The following GTF2H2 variants were observed in gnomAD, a reference collection of about 807,000 sequenced individuals.
GTF2H2 encodes TFIIH basal transcription factor complex p44 subunit.
GTF2H2 carries 2 observed loss-of-function variants against 16.5 expected under a neutral mutation model. The ratio of observed to expected loss-of-function variants is 0.12; its 90% confidence interval spans 0.05 to 0.38. The LOEUF is 0.38. Among genes scored for constraint, GTF2H2 ranks in the 10% least tolerant of loss-of-function variants. GTF2H2 has a pLI of 0.99. For missense variants in GTF2H2, 20 were observed against 137.0 expected (o/e 0.15, Z 4.26); for synonymous variants, 8 against 44.1 (o/e 0.18, Z 3.24).
chr5:71,054,929 G>A (rs1753086831), intron 8 of GTF2H2: 1 of 141,394 alleles, frequency 7.1e-6, no homozygotes, highest in Non-Finnish European at 1.5e-5. Flanking sequence ...ATTCCATATA[G>A]CTGAACTTGC....
At chr5:71,054,137 A>G in intron 8 of GTF2H2, among the ~76,000 whole-genome samples, 1 of 144,256 alleles carries the variant, frequency 6.9e-6, no homozygotes, top group Non-Finnish European at 1.5e-5. Context: ...CATAATAATC[A>G]TGAACATTAA....
At chr5:71,057,501 G>GT (rs1204609242) in intron 7 of GTF2H2, among the ~76,000 whole-genome samples, 1 of 133,474 alleles carries the variant, frequency 7.5e-6, no homozygotes, top group Non-Finnish European at 1.6e-5. Context: ...ACTCATCTGA[G>GT]TAAGTTTTAA....
At position 71,063,108 on chromosome 5, in the gene GTF2H2, T is replaced by TGGGCGTA. The variant is rs978537167; in HGVS notation, c.-33-319_-33-313dup. 1.1e-4 allele frequency among the ~76,000 whole-genome samples: 11 copies of TGGGCGTA among 98,056 alleles called. 3 individuals are homozygous for TGGGCGTA. Among genetic ancestry groups the TGGGCGTA allele is most frequent in the African/African-American group, 6.2e-4 (11 of 17,754 alleles). 64.3% of individuals were successfully genotyped at this position (98,056 alleles called of 152,430 possible). ...ACTGTAGACTTGTGAGGAGTCAGTA[T>TGGGCGTA]GGGCGTAGTTGAACTATTATAGCTG... On this transcript the variant is annotated intron_variant, in intron 1 of 15. Transcript: ENST00000274400.
intron 8 of GTF2H2, among the ~76,000 whole-genome samples, chr5:71,052,561 C>A (rs1352251846): frequency 9.5e-5 from 4 of 42,112 alleles, no homozygotes; most frequent in Middle Eastern, 5.4e-3. Flanking sequence ...AGCTTCCTCA[C>A]TGCTCTCAGC....
rs1251965195 is a variant in GTF2H2 at position 71,058,626 on chromosome 5, T to A, written c.364+1064A>T. 99 of 103,874 alleles carry A rather than the reference T, an allele frequency of 9.5e-4. 3 individuals carry two copies. The highest frequency in any genetic ancestry group is 3.5e-3 in the African/African-American group (90 of 25,816). The allele number at this position is 103,874 out of a possible 1,614,324, so 6.4% of individuals were successfully genotyped here. A position where few individuals can be genotyped will look rare whatever the true frequency, so the allele number is the denominator to read the frequency against. On this transcript the variant is annotated intron_variant, in intron 7 of 15. Transcript: ENST00000274400. Reference sequence around the variant, plus strand: ...CAACTATATATGGAATTGGCCCACCTTTGAACATAGCCCAAAATTTTCCTT... The same window carrying A: ...CAACTATATATGGAATTGGCCCACCATTGAACATAGCCCAAAATTTTCCTT...
rs1158599927 is a variant in GTF2H2 at position 71,054,125 on chromosome 5, G to A, written c.470+1227C>T. ...TAATTTAACCTCACAGTAATTCAGA[G>A]TCATAATAATCATGAACATTAATAT... On this transcript the variant is annotated intron_variant, in intron 8 of 15. Coordinates refer to ENST00000274400, the Ensembl canonical transcript of GTF2H2. 3.5e-5 allele frequency among the ~76,000 whole-genome samples: 5 copies of A among 143,456 alleles called. No homozygotes were observed. In the East Asian group the frequency reaches 9.8e-4, roughly 28 times the overall value. 94.1% of individuals were successfully genotyped at this position (143,456 alleles called of 152,430 possible).
chr5:71,054,745 GTGTGTGTATA>G (rs1350857126), intron 8 of GTF2H2, among the ~76,000 whole-genome samples: 1 of 132,780 alleles, frequency 7.5e-6, no homozygotes, highest in Non-Finnish European at 1.6e-5. Context: ...GTGTGTGTGT[GTGTGTGTATA>G]TATATAATAG....
chr5:71,048,162 CT>C, intron 10 of GTF2H2, 49 bp from the exon 11 acceptor site: 1 of 555,942 alleles, frequency 1.8e-6, no homozygotes, highest in Non-Finnish European at 2.5e-6. Flanking sequence ...ACATAACGAA[CT>C]GTACGTTCTA....
At position 71,054,872 on chromosome 5, in the gene GTF2H2, A is replaced by T. The variant is rs879833146; in HGVS notation, c.470+480T>A. Among the ~76,000 whole-genome samples the T allele has an allele frequency of 6.7e-4, 93 of 137,780 alleles. 2 individuals are homozygous for T. The East Asian group carries it at 0.017, about 25-fold the overall frequency. The allele number at this position is 137,780 out of a possible 152,430, so 90.4% of individuals were successfully genotyped here. ...ATATGTATATAAAGCTTATATATAT[A>T]TATAAGCTTTAACTATACCAAGTAT... On this transcript the variant is annotated intron_variant, in intron 8 of 15. Coordinates refer to ENST00000274400, the Ensembl canonical transcript of GTF2H2.
chr5:71,054,999 T>G (rs1753096929), intron 8 of GTF2H2: 2 of 159,864 alleles, frequency 1.3e-5, no homozygotes, highest in Admixed American at 6.5e-5. Flanking sequence ...GTTTTGGCCA[T>G]TACTTTCAAA....
chr5:71,056,489 A>G (rs2150193872), intron 7 of GTF2H2, among the ~76,000 whole-genome samples: 1 of 48,236 alleles, frequency 2.1e-5, no homozygotes, highest in East Asian at 4.5e-4. Flanking sequence ...AAGCAATTCA[A>G]ATGAAGGGGG....
At chr5:71,050,550 ATACTT>A (rs1486238636) in intron 8 of GTF2H2, among the ~76,000 whole-genome samples, 2 of 32,652 alleles carry the variant, frequency 6.1e-5, no homozygotes, top group Admixed American at 9.0e-4. Context: ...TTTATGAAAA[ATACTT>A]TATTGCTAAA....
At chr5:71,054,904 T>TG (rs1753084679) in intron 8 of GTF2H2, 1 of 139,464 alleles carries the variant, frequency 7.2e-6, no homozygotes, top group Non-Finnish European at 1.5e-5. Flanking sequence ...GTATTTCCTT[T>TG]GGGGTCTTAG....
rs1751757316 is a variant in GTF2H2 at position 71,036,479 on chromosome 5, C to T, written c.1069-683G>A. ...CTATTCTTAAAAACTCAAATGAGGC[C>T]GGGTGTAGTGACTCACACCTGTAAT... On this transcript the variant is annotated intron_variant, in intron 15 of 15. Transcript: ENST00000274400. Among the ~76,000 whole-genome samples, 2 of 88,970 alleles carry T rather than the reference C, an allele frequency of 2.2e-5. 1 individual carries two copies. Among genetic ancestry groups the T allele is most frequent in the Non-Finnish European group, 4.8e-5 (2 of 41,450 alleles). 58.4% of individuals were successfully genotyped at this position (88,970 alleles called of 152,430 possible). A position where few individuals can be genotyped will look rare whatever the true frequency, so the allele number is the denominator to read the frequency against.
exon 3 of GTF2H2, chr5:71,061,707 A>G (rs1753648902): frequency 2.1e-5 from 2 of 95,760 alleles, no homozygotes; most frequent in Non-Finnish European, 3.5e-5. Flanking sequence ...TTTGCCTTGA[A>G]TAGAATGTCT....
chr5:71,052,229 G>A lies in GTF2H2; in HGVS notation c.471-3071C>T, dbSNP rs554009021. Among the ~76,000 whole-genome samples, 9 of 138,462 alleles carry A rather than the reference G, an allele frequency of 6.5e-5. 1 individual carries two copies. The highest frequency in any genetic ancestry group is 1.7e-4 in the African/African-American group (6 of 34,876). The allele number at this position is 138,462 out of a possible 152,430, so 90.8% of individuals were successfully genotyped here. A position where few individuals can be genotyped will look rare whatever the true frequency, so the allele number is the denominator to read the frequency against. On this transcript the variant is annotated intron_variant, in intron 8 of 15. Coordinates refer to ENST00000274400, the Ensembl canonical transcript of GTF2H2. ...GTTGTCTGGGCTAAAGTGCAATGGC[G>A]CGATCTCGGCTCACTGCAACCTCTG...
Position 71,057,081 on chromosome 5 carries a change from ATT to A in GTF2H2, c.365-1626_365-1625del, listed in dbSNP as rs1271416483. On this transcript the variant is annotated intron_variant, in intron 7 of 15. Transcript: ENST00000274400. ...CAATAACCTAAGTATCATTAAATTG[ATT>A]TTGTCATAAAATATAATCCATCAAA... Among the ~76,000 whole-genome samples, 5 of 90,356 alleles carry A rather than the reference ATT, an allele frequency of 5.5e-5. 1 individual carries two copies. The highest frequency in any genetic ancestry group is 1.1e-4 in the Non-Finnish European group (5 of 43,616). The allele number at this position is 90,356 out of a possible 152,430, so 59.3% of individuals were successfully genotyped here.
intron 8 of GTF2H2, chr5:71,055,060 T>G: frequency 4.9e-6 from 1 of 205,470 alleles, no homozygotes; most frequent in African/African-American, 2.5e-5. Flanking sequence ...ATTATTATAC[T>G]ATATTAAATC....
rs757653571 is a variant in GTF2H2, at chr5:71,055,366, A to C, written c.456T>G (p.Ala152=). ...ATAATACTAACTTTAGAGTCTGCAT[A>C]GCTATGCTTAGGGAATTATAAAGAG... is the stretch of plus-strand genomic sequence containing the variant. Residue 152 remains alanine, a synonymous_variant, in exon 8 of 16, where the codon GCT becomes GCG. Coordinates refer to ENST00000274400, the Ensembl canonical transcript of GTF2H2. 148 of 1,578,572 alleles carry C rather than the reference A, an allele frequency of 9.4e-5. 14 individuals are homozygous for C. The Middle Eastern group carries it at 1.1e-3, about 12-fold the overall frequency.
Sources: gnomAD v4.1 joint callset for allele counts (sites outside exome capture counted in the v4.1 genomes callset) on GRCh38, gnomAD v4.1.1 for gene constraint, MANE v1.5 for transcripts, NCBI Gene and HGNC (gene_info 2026-07-23, HGNC 2026-07-21) for gene names.